The following PPP4R3B variants were observed in gnomAD, a reference collection of about 807,000 sequenced individuals.
PPP4R3B encodes the protein protein phosphatase 4 regulatory subunit 3B.
A neutral mutation model predicts 95.4 loss-of-function variants in PPP4R3B; 52 were observed. The ratio of observed to expected loss-of-function variants is 0.54; its 90% CI spans 0.44 to 0.69. PPP4R3B has a LOEUF of 0.69. Ranked by LOEUF, PPP4R3B falls within the 30% of genes least tolerant of loss-of-function variation. The pLI is 0.00. For synonymous variants in PPP4R3B, 407 were observed against 343.9 expected, an observed-to-expected ratio of 1.18 and a Z score of -2.03; for missense variants, 1,003 against 1,005.9, an observed-to-expected ratio of 1.00 and a Z score of 0.04.
In PPP4R3B at chr2:55,568,647, T is replaced by C. The variant is rs191139023; in HGVS notation, c.1766-284A>G. Among the ~76,000 whole-genome samples the C allele has an allele frequency of 7.9e-5, 12 of 152,330 alleles. No homozygotes were observed. In the East Asian group the frequency reaches 2.3e-3, roughly 29 times the overall value. On this transcript the variant is annotated intron_variant, in intron 12 of 16. Transcript: ENST00000616407. ...AAAACAGTAATTGGAATCTAGGAGA[T>C]AAACTACCCAGGCAGGTAGCTCTGT...
intron 16 of PPP4R3B, 83 bp downstream of exon 16, chr2:55,558,692 A>C (rs72803536): frequency 9.6e-7 from 1 of 1,046,826 alleles, no homozygotes; most frequent in Admixed American, 2.5e-5. Flanking sequence ...AATTGTTTTG[A>C]TTATCCAAAT....
rs773044373 is a variant in PPP4R3B, at chr2:55,598,434, C to T, written c.903G>A (p.Glu301=). The T allele has an allele frequency of 6.2e-7, 1 of 1,613,654 alleles. No homozygotes were observed. ...LTSFIFFNKV[E]IVSMLQEDEK... ...TACTTACCTGCAACATGCTGACTAT[C>T]TCAACTTTGTTGAAGAAAATAAAAG... The change falls in exon 4 of 17, where the codon GAG becomes GAA. Residue 301 remains glutamate, a synonymous_variant. Coordinates refer to ENST00000616407, the MANE Select transcript of PPP4R3B (RefSeq NM_001122964.3).
At chr2:55,575,065 G>T (rs1574759535) in intron 11 of PPP4R3B, among the ~76,000 whole-genome samples, 1 of 148,636 alleles carries the variant, frequency 6.7e-6, no homozygotes, top group African/African-American at 2.5e-5. Flanking sequence ...AGCCTCCCAA[G>T]TAGCTGGGAC....
At chr2:55,552,184 T>C (rs369273402) in intron 16 of PPP4R3B, among the ~76,000 whole-genome samples, 2 of 152,182 alleles carry the variant, frequency 1.3e-5, no homozygotes, top group Non-Finnish European at 2.9e-5. Context: ...ATGCAAAATA[T>C]GAAATGTTGG....
chr2:55,591,555 T>G (rs527309545), intron 4 of PPP4R3B: 1 of 984,374 alleles, frequency 1.0e-6, no homozygotes, highest in East Asian at 1.1e-4. Flanking sequence ...TGTTGTAGAT[T>G]ACATCTTCAT....
chr2:55,563,214 C>G (rs1686850087), intron 15 of PPP4R3B, among the ~76,000 whole-genome samples: 1 of 152,146 alleles, frequency 6.6e-6, no homozygotes, highest in Non-Finnish European at 1.5e-5. Flanking sequence ...GCAAATAAAA[C>G]TTATCAAACT....
intron 4 of PPP4R3B, among the ~76,000 whole-genome samples, chr2:55,594,910 A>C (rs1172213644): frequency 2.7e-5 from 4 of 149,956 alleles, no homozygotes; most frequent in African/African-American, 1.0e-4. Flanking sequence ...TATGCAAAAA[A>C]TTAAAGTAAA....
At chr2:55,580,417 TA>T (rs1689296760) in intron 8 of PPP4R3B, among the ~76,000 whole-genome samples, 1 of 152,188 alleles carries the variant, frequency 6.6e-6, no homozygotes, top group Non-Finnish European at 1.5e-5. Context: ...CTCTCAACTT[TA>T]AAAATAACAT....
intron 12 of PPP4R3B, among the ~76,000 whole-genome samples, chr2:55,570,983 A>G (rs189526969): frequency 3.2e-4 from 49 of 152,308 alleles, no homozygotes; most frequent in African/African-American, 1.2e-3. Context: ...TGCTTATAAT[A>G]ATAGAAATCT....
At chr2:55,604,189 T>C (rs1038592319) in intron 2 of PPP4R3B, 113 bp from the exon 3 acceptor site, 13 of 648,246 alleles carry the variant, frequency 2.0e-5, no homozygotes, top group Non-Finnish European at 3.3e-5. Flanking sequence ...TGCCCCGATA[T>C]GAGTAATCAA....
chr2:55,600,885 G>A (rs1214661277), intron 3 of PPP4R3B, among the ~76,000 whole-genome samples: 3 of 152,144 alleles, frequency 2.0e-5, no homozygotes, highest in Non-Finnish European at 2.9e-5. Flanking sequence ...TAAGCTGGGC[G>A]CTGTGGCTCA....
chr2:55,588,274 G>T (rs906508511), intron 5 of PPP4R3B, among the ~76,000 whole-genome samples: 1 of 152,106 alleles, frequency 6.6e-6, no homozygotes, highest in African/African-American at 2.4e-5. Context: ...AGCACTTTAG[G>T]AGGCCAAGGC....
At chr2:55,559,973 T>A (rs550014327) in intron 15 of PPP4R3B, among the ~76,000 whole-genome samples, 79 of 152,118 alleles carry the variant, frequency 5.2e-4, no homozygotes, top group African/African-American at 1.8e-3. Flanking sequence ...AATACAAAAA[T>A]TAGCTGGGGG....
intron 15 of PPP4R3B, among the ~76,000 whole-genome samples, chr2:55,563,056 T>C (rs556831523): frequency 7.9e-5 from 12 of 152,210 alleles, no homozygotes; most frequent in Non-Finnish European, 1.5e-4. Context: ...CACTCAACAC[T>C]GGATACAGAA....
In PPP4R3B at chr2:55,548,818, T is replaced by G. The variant is rs1047075980; in HGVS notation, c.*1093A>C. 1 of 152,684 alleles carries G rather than the reference T, an allele frequency of 6.5e-6. No individual in the cohort carries two copies. Among genetic ancestry groups the G allele is most frequent in the Non-Finnish European group, 1.5e-5 (1 of 68,044 alleles). The allele number at this position is 152,684 out of a possible 1,614,324, so 9.5% of individuals were successfully genotyped here. ...AACTTGTTGCTCTAAAAATAAAACTTAACTGTTTGCCTCAATTTATTTTTA... is the reference window on the plus strand; with the variant it reads ...AACTTGTTGCTCTAAAAATAAAACTGAACTGTTTGCCTCAATTTATTTTTA... On this transcript the variant is annotated 3_prime_UTR_variant, in exon 17 of 17. Transcript: ENST00000616407.
intron 5 of PPP4R3B, among the ~76,000 whole-genome samples, chr2:55,588,627 G>A (rs1458427898): frequency 6.6e-6 from 1 of 152,056 alleles, no homozygotes; most frequent in Admixed American, 6.5e-5. Context: ...TATCTGATTT[G>A]GGGATTTATA....
chr2:55,552,174 A>C (rs1441840388), intron 16 of PPP4R3B, among the ~76,000 whole-genome samples: 1 of 152,228 alleles, frequency 6.6e-6, no homozygotes, highest in East Asian at 1.9e-4. Context: ...AATAATAAAA[A>C]TGCAAAATAT....
At chr2:55,579,955 A>G (rs1689221759) in intron 8 of PPP4R3B, among the ~76,000 whole-genome samples, 174 bp from the exon 9 acceptor site, 1 of 152,158 alleles carries the variant, frequency 6.6e-6, no homozygotes, top group Non-Finnish European at 1.5e-5. Context: ...ACTTGGTTAT[A>G]CGTTGTCAAA....
chr2:55,571,299 G>T (rs1687966485), intron 12 of PPP4R3B, among the ~76,000 whole-genome samples: 1 of 135,640 alleles, frequency 7.4e-6, no homozygotes, highest in South Asian at 2.2e-4. Flanking sequence ...AACAGAGCAA[G>T]ACTCTGTCTC....
Sources: gnomAD v4.1 joint callset for allele counts (sites outside exome capture counted in the v4.1 genomes callset) on GRCh38, gnomAD v4.1.1 for gene constraint, MANE v1.5 for transcripts, NCBI Gene and HGNC (gene_info 2026-07-23, HGNC 2026-07-21) for gene names.